The following AGMO variants were observed in gnomAD, a reference collection of about 807,000 sequenced individuals.
AGMO encodes the protein alkylglycerol monooxygenase, also known as glyceryl-ether monooxygenase.
Under a neutral mutation model 60.2 loss-of-function variants are expected in AGMO, and 75 were observed. The ratio of observed to expected loss-of-function variants is 1.25; its 90% CI spans 1.03 to 1.51. The LOEUF (loss-of-function observed/expected upper bound fraction) is 1.51, where lower values mean the gene tolerates loss of function less well. AGMO is among the 40% of genes most tolerant of loss of function. AGMO has a pLI of 0.00. For synonymous variants in AGMO, 261 were observed against 177.1 expected, an observed-to-expected ratio of 1.47 and a Z score of -3.76; for missense variants, 763 against 525.5, an observed-to-expected ratio of 1.45 and a Z score of -4.42.
At chr7:15,334,984 G>GC (rs1781609304) in intron 12 of AGMO, among the ~76,000 whole-genome samples, 1 of 152,074 alleles carries the variant, frequency 6.6e-6, no homozygotes, top group Non-Finnish European at 1.5e-5. Context: ...TGTCTGTTTG[G>GC]ATTTTTATTG....
rs560936268 is a variant in AGMO at position 15,374,835 on chromosome 7, G to C, written c.1075-8613C>G. 1.6e-3 allele frequency among the ~76,000 whole-genome samples: 244 copies of C among 152,080 alleles called. 5 individuals carry two copies. Among genetic ancestry groups the C allele is most frequent in the African/African-American group, 5.7e-3 (237 of 41,440 alleles). ...AGAAGGCTAGCATTTGGAAAATAGAGTACCAAAAAAGGAAGAGTTATGCAT... is the reference window on the plus strand; with the variant it reads ...AGAAGGCTAGCATTTGGAAAATAGACTACCAAAAAAGGAAGAGTTATGCAT... On this transcript the variant is annotated intron_variant, in intron 10 of 12. Transcript: ENST00000342526.
chr7:15,180,661 C>G, the AGMO span, among the ~76,000 whole-genome samples: 1 of 152,164 alleles, frequency 6.6e-6, no homozygotes. Flanking sequence ...CTTGTCTAGT[C>G]TGTTCTTCCA....
intron 12 of AGMO, among the ~76,000 whole-genome samples, chr7:15,237,241 T>G (rs975195567): frequency 4.6e-5 from 7 of 152,134 alleles, no homozygotes; most frequent in Admixed American, 4.6e-4. Flanking sequence ...AGAAATTGTG[T>G]TTACCATGTT....
At chr7:15,463,469 G>A (rs943558113) in intron 3 of AGMO, among the ~76,000 whole-genome samples, 1 of 152,078 alleles carries the variant, frequency 6.6e-6, no homozygotes, top group African/African-American at 2.4e-5. Flanking sequence ...ACATGTGCAC[G>A]TACACACATA....
the AGMO span, among the ~76,000 whole-genome samples, chr7:15,155,419 C>CTTTTTTTTTTTTTTT: frequency 1.1e-4 from 7 of 63,912 alleles, no homozygotes; most frequent in African/African-American, 1.3e-4. Flanking sequence ...TACAGAATTT[C>CTTTTTTTTTTTTTTT]TTTTTTTTTT....
intron 12 of AGMO, among the ~76,000 whole-genome samples, chr7:15,217,448 A>T (rs1781774921): frequency 6.6e-6 from 1 of 152,132 alleles, no homozygotes; most frequent in Non-Finnish European, 1.5e-5. Context: ...CAAGAAATGG[A>T]GAATTTACAC....
At chr7:15,369,110 GAT>G (rs1783099595) in intron 10 of AGMO, among the ~76,000 whole-genome samples, 1 of 151,982 alleles carries the variant, frequency 6.6e-6, no homozygotes, top group Admixed American at 6.6e-5. Flanking sequence ...TATATCAAGA[GAT>G]ATATTTAAAA....
intron 12 of AGMO, among the ~76,000 whole-genome samples, chr7:15,329,000 C>T (rs1000800244): frequency 5.3e-5 from 8 of 152,118 alleles, no homozygotes; most frequent in Non-Finnish European, 1.0e-4. Flanking sequence ...TTACCTCCTT[C>T]GGGAGTTTGC....
chr7:15,298,576 A>AT (rs1215704426), intron 12 of AGMO, among the ~76,000 whole-genome samples: 2 of 152,070 alleles, frequency 1.3e-5, no homozygotes, highest in South Asian at 2.1e-4. Flanking sequence ...TTATTTGTGT[A>AT]TTTTTTGAAG....
chr7:15,556,089 C>T (rs1785125568), intron 2 of AGMO, among the ~76,000 whole-genome samples: 1 of 151,844 alleles, frequency 6.6e-6, no homozygotes, highest in Non-Finnish European at 1.5e-5. Context: ...GTCTGATTTG[C>T]CAAGGCAACA....
intron 12 of AGMO, among the ~76,000 whole-genome samples, chr7:15,340,307 C>T (rs1467888409): frequency 6.6e-6 from 1 of 152,176 alleles, no homozygotes; most frequent in Non-Finnish European, 1.5e-5. Flanking sequence ...GGTATCATAT[C>T]AGTACTCAAA....
At chr7:15,368,404 T>C (rs1783067989) in intron 10 of AGMO, among the ~76,000 whole-genome samples, 1 of 151,890 alleles carries the variant, frequency 6.6e-6, no homozygotes, top group Admixed American at 6.6e-5. Flanking sequence ...CGGGGAAAAA[T>C]TTACATATAA....
chr7:15,384,922 T>A (rs1425188718), intron 10 of AGMO, among the ~76,000 whole-genome samples: 1 of 145,648 alleles, frequency 6.9e-6, no homozygotes, highest in Non-Finnish European at 1.5e-5. Flanking sequence ...CAAAAAAAAA[T>A]GATCCCCAAA....
At chr7:15,349,720 A>G (rs1354557892) in intron 12 of AGMO, among the ~76,000 whole-genome samples, 1 of 152,164 alleles carries the variant, frequency 6.6e-6, no homozygotes, top group Non-Finnish European at 1.5e-5. Context: ...TGGAGGCCTC[A>G]GGAAACTTAT....
chr7:15,517,432 G>C (rs573231488), intron 3 of AGMO, among the ~76,000 whole-genome samples: 1 of 151,380 alleles, frequency 6.6e-6, no homozygotes, highest in South Asian at 2.1e-4. Flanking sequence ...CAATGCAGAA[G>C]GTGGGTGATT....
chr7:15,416,450 G>A (rs10249237), intron 5 of AGMO, among the ~76,000 whole-genome samples: 101 of 152,128 alleles, frequency 6.6e-4, no homozygotes, highest in African/African-American at 2.4e-3. Flanking sequence ...GTGATTTTAA[G>A]GTTTTTTTCC....
chr7:15,304,086 C>T (rs1780535567), intron 12 of AGMO, among the ~76,000 whole-genome samples: 1 of 152,106 alleles, frequency 6.6e-6, no homozygotes, highest in Admixed American at 6.6e-5. Context: ...CACGTCAATG[C>T]CTTTATGCAA....
At chr7:15,132,497 T>C in the AGMO span, among the ~76,000 whole-genome samples, 2 of 152,170 alleles carry the variant, frequency 1.3e-5, no homozygotes, top group East Asian at 3.9e-4. Flanking sequence ...CAGCTCCAAC[T>C]TACAAACCTC....
intron 4 of AGMO, among the ~76,000 whole-genome samples, chr7:15,426,244 T>G (rs549523262): frequency 5.9e-4 from 90 of 152,318 alleles, no homozygotes; most frequent in African/African-American, 2.0e-3. Flanking sequence ...ACTATAATAC[T>G]TTCTATTTCA....
Sources: allele counts gnomAD v4.1 joint callset (sites outside exome capture counted in the v4.1 genomes callset), GRCh38; gene constraint gnomAD v4.1.1; transcripts MANE v1.5; gene names NCBI Gene and HGNC (gene_info 2026-07-23, HGNC 2026-07-21).